Variants in PCM1 observed in about 807,000 individuals in gnomAD.
The protein encoded by PCM1 is pericentriolar material 1, also known as pericentriolar material 1 protein.
Under a neutral mutation model 241.9 loss-of-function variants are expected in PCM1, and 157 were observed. The observed-to-expected ratio is 0.65, with a 90% CI of 0.57 to 0.74. PCM1 has a LOEUF of 0.74. Ranked by LOEUF, PCM1 falls within the 30% of genes least tolerant of loss-of-function variation. PCM1 has a pLI of 0.00. For synonymous variants in PCM1, 1,085 were observed against 784.9 expected (o/e 1.38, Z -6.39); for missense variants, 3,478 against 2,360.1 (o/e 1.47, Z -9.81).
intron 1 of PCM1, 40 bp from the exon 2 acceptor site, chr8:17,924,673 G>A (rs923783568): frequency 2.0e-5 from 3 of 152,180 alleles, no homozygotes; most frequent in Non-Finnish European, 4.4e-5. Flanking sequence ...CATAGCGTAA[G>A]TAATTTACTT....
chr8:17,977,107 T>A (rs540834698), intron 23 of PCM1, among the ~76,000 whole-genome samples: 1 of 152,370 alleles, frequency 6.6e-6, no homozygotes, highest in East Asian at 1.9e-4. Context: ...ATATAAATGT[T>A]CATGTTAGAA....
At chr8:17,955,397 C>A in intron 9 of PCM1, 73 bp from the exon 10 acceptor site, 3 of 1,020,686 alleles carry the variant, frequency 2.9e-6, no homozygotes, top group Admixed American at 3.3e-5. Context: ...TTTCAATATC[C>A]AAGCCAACTG....
At chr8:18,024,676 T>C (rs543376871) in intron 36 of PCM1, among the ~76,000 whole-genome samples, 21 of 152,284 alleles carry the variant, frequency 1.4e-4, no homozygotes, top group Admixed American at 5.2e-4. Flanking sequence ...AGTGAAATGG[T>C]CAAATTTATG....
chr8:17,936,827 A>G (rs1420257047), intron 3 of PCM1, among the ~76,000 whole-genome samples: 1 of 152,216 alleles, frequency 6.6e-6, no homozygotes, highest in Admixed American at 6.5e-5. Flanking sequence ...ATAGAAAATC[A>G]CAATGTAAAA....
intron 36 of PCM1, among the ~76,000 whole-genome samples, chr8:18,023,735 T>A (rs867125113): frequency 4.7e-4 from 72 of 152,204 alleles, no homozygotes; most frequent in African/African-American, 1.7e-3. Flanking sequence ...AGTTACTGTG[T>A]TTTCTTCCTT....
intron 2 of PCM1, among the ~76,000 whole-genome samples, chr8:17,933,690 G>A (rs1409919960): frequency 6.6e-6 from 1 of 152,012 alleles, no homozygotes; most frequent in African/African-American, 2.4e-5. Context: ...TCGTTTAAGT[G>A]GTATTGGTGA....
chr8:17,932,291 G>T (rs1023725212), intron 2 of PCM1, among the ~76,000 whole-genome samples: 1 of 152,082 alleles, frequency 6.6e-6, no homozygotes, highest in Non-Finnish European at 1.5e-5. Flanking sequence ...TTCTTAGATT[G>T]CATATAGAGA....
Position 17,947,096 on chromosome 8 carries a change from T to C in PCM1, c.784-90T>C, listed in dbSNP as rs183942363. On this transcript the variant is annotated intron_variant, in intron 6 of 38. Transcript: ENST00000325083. The stretch of plus-strand genomic sequence containing the variant: ...TTAGGGTTGTATATTTAATAATTTG[T>C]TATCAATGTGTATACTTTGCCATTG... The C allele has an allele frequency of 2.3e-5, 16 of 702,856 alleles. No individual in the cohort carries two copies. The East Asian group carries it at 4.2e-4, about 19-fold the overall frequency. 43.5% of individuals were successfully genotyped at this position (702,856 alleles called of 1,614,324 possible).
chr8:17,972,469 A>G lies in PCM1; in HGVS notation c.3725A>G (p.Asn1242Ser). 3 of 1,613,862 alleles carry G rather than the reference A, an allele frequency of 1.9e-6. No homozygotes were observed. Among genetic ancestry groups the G allele is most frequent in the Non-Finnish European group, 2.5e-6 (3 of 1,179,808 alleles). ...VEKSTSSNRK[N>S]QLDTNGRRRQ... ...AAATCTACAAGTAGTAACCGCAAAAATCAATTAGATACAAACGGAAGAAGA... is the reference window on the plus strand; with the variant it reads ...AAATCTACAAGTAGTAACCGCAAAAGTCAATTAGATACAAACGGAAGAAGA... The change falls in exon 23 of 39, where the codon AAT (asparagine) becomes AGT (serine). Residue 1242 changes from asparagine (N) to serine (S), a missense_variant. Asn to Ser is a conservative substitution (Grantham distance 46). Transcript: ENST00000325083.
chr8:17,970,010 T>TAAAGC (rs1296288820), intron 22 of PCM1, among the ~76,000 whole-genome samples: 1 of 152,188 alleles, frequency 6.6e-6, no homozygotes, highest in East Asian at 1.9e-4. Context: ...TCTTTACGGT[T>TAAAGC]AAAGCAGTTT....
rs866881031 is a variant in PCM1, at chr8:17,980,705, A to G, written c.4058A>G (p.Glu1353Gly). Reference protein sequence around the residue: ...QAKVFSRKNHEQLEKIIKCNR... With the variant: ...QAKVFSRKNHGQLEKIIKCNR... Reference sequence around the variant, plus strand: ...AAAGTATTCAGCAGAAAGAATCATGAGCAACTGGAAAAAATAATAAAATGT... The same window carrying G: ...AAAGTATTCAGCAGAAAGAATCATGGGCAACTGGAAAAAATAATAAAATGT... The change falls in exon 24 of 39, where the codon GAG becomes GGG. Residue 1353 changes from glutamate (E) to glycine (G), a missense_variant. Coordinates refer to ENST00000325083, the MANE Select transcript of PCM1 (RefSeq NM_006197.4). 1.9e-6 allele frequency: 3 copies of G among 1,612,826 alleles called. No homozygotes were observed. In the Admixed American group the frequency reaches 5.0e-5, roughly 27 times the overall value.
rs1197742901 is a variant in PCM1, at chr8:17,963,171, C to G, written c.2534C>G (p.Ala845Gly). ...ELRQRRKQLE[A>G]LMAEHQRRQG... ...CGACAGAGAAGAAAGCAGCTTGAAG[C>G]TCTGATGGCTGAACATCAGAGGAGG... Residue 845 changes from alanine (A) to glycine (G), a missense_variant, in exon 17 of 39, where the codon GCT (alanine) becomes GGT (glycine). Physicochemically the swap from Ala to Gly is moderately conservative, Grantham distance 60 (BLOSUM62 0). Coordinates refer to ENST00000325083, the MANE Select transcript of PCM1 (RefSeq NM_006197.4). The G allele has an allele frequency of 1.2e-6, 2 of 1,613,636 alleles. No homozygotes were observed. Among genetic ancestry groups the G allele is most frequent in the South Asian group, 2.2e-5 (2 of 91,032 alleles).
At chr8:18,012,084 T>A (rs1206492703) in intron 34 of PCM1, among the ~76,000 whole-genome samples, 3 of 152,138 alleles carry the variant, frequency 2.0e-5, no homozygotes, top group Non-Finnish European at 4.4e-5. Flanking sequence ...AGCCTCAAAC[T>A]CCTGAGCTCA....
intron 9 of PCM1, among the ~76,000 whole-genome samples, chr8:17,954,427 CAAAAA>C (rs57686395): frequency 9.2e-6 from 1 of 108,808 alleles, no homozygotes; most frequent in African/African-American, 3.2e-5. Flanking sequence ...AACTCCATCT[CAAAAA>C]AAAAAAAAAA....
chr8:17,956,735 A>G lies in PCM1; in HGVS notation c.1604A>G (p.Tyr535Cys). 2 of 1,607,812 alleles carry G rather than the reference A, an allele frequency of 1.2e-6. No homozygotes were observed. The highest frequency in any genetic ancestry group is 8.5e-7 in the Non-Finnish European group (1 of 1,176,010). The change falls in exon 11 of 39, where the codon TAT becomes TGT. Residue 535 changes from tyrosine (Y) to cysteine (C), a missense_variant. Transcript: ENST00000325083. ...RKDEETEESE[Y>C]DSEHENSEPV... ...GATGAAGAAACTGAAGAGTCAGAAT[A>G]TGATTCTGAGCATGAAAATTCCGAG...
intron 29 of PCM1, among the ~76,000 whole-genome samples, chr8:17,997,950 C>T (rs941735061): frequency 4.6e-5 from 7 of 150,972 alleles, no homozygotes; most frequent in East Asian, 1.9e-4. Context: ...GCAGGAGAAT[C>T]GCTTGAACCC....
At chr8:17,940,194 G>C in intron 6 of PCM1, 1 of 1,110,854 alleles carries the variant, frequency 9.0e-7, no homozygotes, top group South Asian at 1.4e-5. Flanking sequence ...TGCTGGAAAT[G>C]AAGGTTTAAA....
At position 17,953,489 on chromosome 8, in the gene PCM1, A is replaced by G. The variant is rs114694339; in HGVS notation, c.1288+303A>G. On this transcript the variant is annotated intron_variant, in intron 9 of 38. Transcript: ENST00000325083. The stretch of plus-strand genomic sequence containing the variant: ...CTGTTTGATACGTGGACATATTAAT[A>G]CTTTGTTTCTTAACATTCAAAATTT... 3.4e-3 allele frequency among the ~76,000 whole-genome samples: 513 copies of G among 152,318 alleles called. 4 individuals carry two copies. Among genetic ancestry groups the G allele is most frequent in the African/African-American group, 0.012 (489 of 41,574 alleles).
At chr8:17,941,130 G>A (rs1433136316) in intron 6 of PCM1, among the ~76,000 whole-genome samples, 2 of 152,144 alleles carry the variant, frequency 1.3e-5, no homozygotes, top group African/African-American at 4.8e-5. Context: ...CCAAACAGTT[G>A]TTGAAGAATG....
Sources: allele counts gnomAD v4.1 joint callset (sites outside exome capture counted in the v4.1 genomes callset), GRCh38; gene constraint gnomAD v4.1.1; transcripts MANE v1.5; gene names NCBI Gene and HGNC (gene_info 2026-07-23, HGNC 2026-07-21).